SAMD12: variants seen among roughly 807,000 people sequenced by gnomAD.
SAMD12 encodes sterile alpha motif domain-containing protein 12.
SAMD12 carries 9 observed loss-of-function variants against 15.0 expected under a neutral mutation model. The observed-to-expected ratio is 0.60, with a 90% CI of 0.36 to 1.05. SAMD12 has a LOEUF of 1.05. Among genes scored for constraint, SAMD12 ranks in the 50% least tolerant of loss-of-function variants. The pLI is 0.01. For synonymous variants in SAMD12, 86 were observed against 90.1 expected (o/e 0.96, Z 0.25); for missense variants, 230 against 234.2 (o/e 0.98, Z 0.12).
At chr8:118,569,545 C>T (rs1826947829) in intron 2 of SAMD12, among the ~76,000 whole-genome samples, 1 of 152,090 alleles carries the variant, frequency 6.6e-6, no homozygotes. Context: ...AGCCCTAACC[C>T]CCAATAAGGT....
At chr8:118,158,744 C>A in the SAMD12 span, among the ~76,000 whole-genome samples, 4 of 152,288 alleles carry the variant, frequency 2.6e-5, no homozygotes, top group South Asian at 8.3e-4. Flanking sequence ...ACTTCCTCCC[C>A]TCCGGAGCCC....
chr8:118,440,031 T>TA, intron 2 of SAMD12, 70 bp from the exon 3 acceptor site: 1 of 1,507,296 alleles, frequency 6.6e-7, no homozygotes, highest in Non-Finnish European at 9.1e-7. Flanking sequence ...TTAAAAGTCT[T>TA]AGAGTGTGTT....
intron 4 of SAMD12, among the ~76,000 whole-genome samples, chr8:118,340,780 A>C (rs900515854): frequency 6.6e-6 from 1 of 152,126 alleles, no homozygotes; most frequent in African/African-American, 2.4e-5. Flanking sequence ...AAAAAATTTT[A>C]ATTTCCAAAA....
intron 4 of SAMD12, among the ~76,000 whole-genome samples, chr8:118,242,308 A>G (rs1044423135): frequency 6.6e-6 from 1 of 152,196 alleles, no homozygotes; most frequent in African/African-American, 2.4e-5. Context: ...AGATTGTCAA[A>G]ATATAGGCCA....
intron 4 of SAMD12, among the ~76,000 whole-genome samples, chr8:118,339,270 T>C (rs1817230870): frequency 2.0e-5 from 3 of 151,980 alleles, no homozygotes; most frequent in Admixed American, 2.0e-4. Context: ...GTGAGGGCTG[T>C]AGTGAGCTCT....
chr8:118,545,695 A>AGTTTT (rs1826105683), intron 2 of SAMD12, among the ~76,000 whole-genome samples: 1 of 152,236 alleles, frequency 6.6e-6, no homozygotes, highest in African/African-American at 2.4e-5. Context: ...GAAAAGAAAA[A>AGTTTT]ACATACTGGC....
chr8:118,498,758 A>G (rs1586765484), intron 2 of SAMD12, among the ~76,000 whole-genome samples: 1 of 152,228 alleles, frequency 6.6e-6, no homozygotes, highest in East Asian at 1.9e-4. Context: ...CATTAAAATA[A>G]AAGTATATGT....
chr8:118,349,116 T>G (rs1586578653), intron 4 of SAMD12, among the ~76,000 whole-genome samples: 1 of 152,164 alleles, frequency 6.6e-6, no homozygotes. Flanking sequence ...TCAAGAGTCA[T>G]ACAGATCTTC....
intron 4 of SAMD12, among the ~76,000 whole-genome samples, chr8:118,364,895 T>G (rs1037769653): frequency 1.3e-5 from 2 of 152,038 alleles, no homozygotes; most frequent in Non-Finnish European, 2.9e-5. Context: ...GCCACCACCC[T>G]CATCCAGGTT....
At chr8:118,445,590 G>C (rs1187245321) in intron 2 of SAMD12, among the ~76,000 whole-genome samples, 1 of 152,142 alleles carries the variant, frequency 6.6e-6, no homozygotes, top group Non-Finnish European at 1.5e-5. Flanking sequence ...TAGTGCATTT[G>C]TGTTTAACTG....
chr8:118,265,052 A>T (rs1369557073), intron 4 of SAMD12, among the ~76,000 whole-genome samples: 3 of 152,154 alleles, frequency 2.0e-5, no homozygotes, highest in Non-Finnish European at 2.9e-5. Flanking sequence ...GGATTCAGTT[A>T]TCTTAGCACT....
chr8:118,208,804 A>G (rs2129807483), intron 4 of SAMD12, among the ~76,000 whole-genome samples: 1 of 152,356 alleles, frequency 6.6e-6, no homozygotes, highest in African/African-American at 2.4e-5. Flanking sequence ...TAATAAAAAA[A>G]TAAAGTTTAG....
At chr8:118,132,558 C>G in the SAMD12 span, among the ~76,000 whole-genome samples, 1 of 152,170 alleles carries the variant, frequency 6.6e-6, no homozygotes, top group Non-Finnish European at 1.5e-5. Context: ...GAAAGAGAAT[C>G]TGGAAAATGT....
intron 2 of SAMD12, 26 bp from the exon 3 acceptor site, chr8:118,439,987 C>T (rs1277138015): frequency 1.9e-6 from 3 of 1,612,122 alleles, no homozygotes; most frequent in Non-Finnish European, 2.5e-6. Flanking sequence ...GAAGATCTGT[C>T]AATGCTGGCC....
intron 2 of SAMD12, among the ~76,000 whole-genome samples, chr8:118,494,111 A>T (rs565955822): frequency 6.6e-6 from 1 of 152,280 alleles, no homozygotes; most frequent in African/African-American, 2.4e-5. Flanking sequence ...AGACAGGAGC[A>T]TCAGAGCAGG....
At chr8:118,326,913 C>A (rs1211739451) in intron 4 of SAMD12, among the ~76,000 whole-genome samples, 2 of 152,156 alleles carry the variant, frequency 1.3e-5, no homozygotes, top group African/African-American at 4.8e-5. Flanking sequence ...CTTAACATAG[C>A]CAGCTTTATA....
At chr8:118,381,566 A>T (rs1314835127) in intron 3 of SAMD12, among the ~76,000 whole-genome samples, 2 of 152,136 alleles carry the variant, frequency 1.3e-5, no homozygotes, top group Non-Finnish European at 2.9e-5. Context: ...GCGTCCTTAG[A>T]AGTGAAAGAG....
At chr8:118,439,155 G>A (rs1287763765) in intron 3 of SAMD12, among the ~76,000 whole-genome samples, 1 of 152,152 alleles carries the variant, frequency 6.6e-6, no homozygotes, top group African/African-American at 2.4e-5. Context: ...CTGCTTTCAA[G>A]TACTTACTGA....
At chr8:118,353,904 C>T (rs916309022) in intron 4 of SAMD12, among the ~76,000 whole-genome samples, 4 of 152,158 alleles carry the variant, frequency 2.6e-5, no homozygotes, top group Non-Finnish European at 4.4e-5. Context: ...CCCCACCCCG[C>T]TTGCGCCTGA....
Sources: allele counts gnomAD v4.1 joint callset (sites outside exome capture counted in the v4.1 genomes callset), GRCh38; gene constraint gnomAD v4.1.1; transcripts MANE v1.5; gene names NCBI Gene and HGNC (gene_info 2026-07-23, HGNC 2026-07-21).